DIAPH1: variants seen among roughly 807,000 people sequenced by gnomAD.
DIAPH1 encodes the protein protein diaphanous homolog 1.
Under a neutral mutation model 140.7 loss-of-function variants are expected in DIAPH1, and 46 were observed. That is an observed-to-expected ratio of 0.33 (90% CI 0.26 to 0.42). The LOEUF is 0.42. Among genes scored for constraint, DIAPH1 ranks in the 10% least tolerant of loss-of-function variants. DIAPH1 has a pLI of 1.00. For missense variants in DIAPH1, 1,310 were observed against 1,558.7 expected, an observed-to-expected ratio of 0.84 and a Z score of 2.69; for synonymous variants, 565 against 551.6, an observed-to-expected ratio of 1.02 and a Z score of -0.34.
rs1320235178 is a variant in DIAPH1 at position 141,516,922 on chromosome 5, C to T, written c.3748G>A (p.Val1250Met). The change falls in exon 28 of 28, where the codon GTG (valine) becomes ATG (methionine). Residue 1250 changes from valine (V) to methionine (M), a missense_variant. Val to Met is a conservative substitution (Grantham distance 21, BLOSUM62 1). Around this residue, in one of 3 missense-constraint regions of DIAPH1, gnomAD observed 344 missense variants for 512.2 expected, o/e 0.67. Coordinates refer to ENST00000389054, the MANE Select transcript of DIAPH1 (RefSeq NM_005219.5). The stretch of plus-strand genomic sequence containing the variant: ...GGGAATGTCTCACTGTTCTTGGACA[C>T]CTTGGCAGGAACAGCAGCCATGGCA... Reference protein sequence around the residue: ...DDAMAAVPAKVSKNSETFPTI... With the variant: ...DDAMAAVPAKMSKNSETFPTI... 2 of 1,614,124 alleles carry T rather than the reference C, an allele frequency of 1.2e-6. No homozygotes were observed. Among genetic ancestry groups the T allele is most frequent in the Admixed American group, 3.3e-5 (2 of 60,008 alleles).
intron 18 of DIAPH1, among the ~76,000 whole-genome samples, chr5:141,536,529 T>C (rs2099889047): frequency 6.6e-6 from 1 of 151,684 alleles, no homozygotes; most frequent in South Asian, 2.1e-4. Flanking sequence ...ATAGATAAAA[T>C]AGTATACTAT....
chr5:141,570,571 AAG>A (rs1288233077), intron 18 of DIAPH1, among the ~76,000 whole-genome samples: 1 of 152,150 alleles, frequency 6.6e-6, no homozygotes, highest in African/African-American at 2.4e-5. Flanking sequence ...TATTAGAACA[AAG>A]TGCAGCCTGT....
At chr5:141,586,316 T>C (rs1444866290) in intron 3 of DIAPH1, among the ~76,000 whole-genome samples, 1 of 152,248 alleles carries the variant, frequency 6.6e-6, no homozygotes, top group Admixed American at 6.5e-5. Flanking sequence ...GTGCTTACTA[T>C]GTACCAGGCC....
At position 141,527,666 on chromosome 5, in the gene DIAPH1, A is replaced by T. The variant is rs778744526; in HGVS notation, c.3180T>A (p.Asp1060Glu). The change falls in exon 24 of 28, where the codon GAT (aspartate) becomes GAA (glutamate). Residue 1060 changes from aspartate to glutamate, a missense_variant. Around this residue, in one of 3 missense-constraint regions of DIAPH1, gnomAD observed 344 missense variants for 512.2 expected, o/e 0.67. Coordinates refer to ENST00000389054, the MANE Select transcript of DIAPH1 (RefSeq NM_005219.5). ...CATCAGAAATTTGTTTCTTCATCTG[A>T]TCTAGGTTCTTTTGCAAGTTTTCAG... ...VSAENLQKNL[D>E]QMKKQISDVE... The T allele has an allele frequency of 6.6e-7, 1 of 1,517,110 alleles. No homozygotes were observed. The highest frequency in any genetic ancestry group is 9.0e-7 in the Non-Finnish European group (1 of 1,114,180). 94.0% of individuals were successfully genotyped at this position (1,517,110 alleles called of 1,614,324 possible).
Position 141,520,574 on chromosome 5 carries a change from G to A in DIAPH1, c.3662-3566C>T, listed in dbSNP as rs531851142. Among the ~76,000 whole-genome samples the A allele has an allele frequency of 3.2e-4, 48 of 152,246 alleles. No homozygotes were observed. In the Middle Eastern group the frequency reaches 0.014, roughly 43 times the overall value. On this transcript the variant is annotated intron_variant, in intron 27 of 27. Coordinates refer to ENST00000389054, the MANE Select transcript of DIAPH1 (RefSeq NM_005219.5). Reference sequence around the variant, plus strand: ...TGAGGCCTCAACAGCAGATGCTGGCGCCATGCTTTCTCTACAGTCTGCAGA... The same window carrying A: ...TGAGGCCTCAACAGCAGATGCTGGCACCATGCTTTCTCTACAGTCTGCAGA...
At chr5:141,601,288 A>AAG (rs1166913825) in intron 1 of DIAPH1, among the ~76,000 whole-genome samples, 28 of 151,562 alleles carry the variant, frequency 1.8e-4, no homozygotes, top group African/African-American at 6.8e-4. Flanking sequence ...AAAAAAAAAA[A>AAG]AAGAACTACT....
intron 1 of DIAPH1, among the ~76,000 whole-genome samples, chr5:141,610,754 G>A (rs2099901706): frequency 6.6e-6 from 1 of 151,862 alleles, no homozygotes; most frequent in Admixed American, 6.6e-5. Flanking sequence ...CCCGCCTAGC[G>A]AGACGTCATT....
At chr5:141,605,410 A>G (rs1194882600) in intron 1 of DIAPH1, among the ~76,000 whole-genome samples, 1 of 152,204 alleles carries the variant, frequency 6.6e-6, no homozygotes, top group African/African-American at 2.4e-5. Flanking sequence ...TCAAAAATAT[A>G]TATGTGTTTT....
At chr5:141,575,442 A>C (rs1014524496) in intron 14 of DIAPH1, among the ~76,000 whole-genome samples, 1 of 152,198 alleles carries the variant, frequency 6.6e-6, no homozygotes, top group African/African-American at 2.4e-5. Context: ...TGAGGTCAGA[A>C]GTTCGAGACC....
intron 18 of DIAPH1, among the ~76,000 whole-genome samples, chr5:141,554,796 T>C (rs566403736): frequency 2.2e-4 from 34 of 152,336 alleles, no homozygotes; most frequent in African/African-American, 7.9e-4. Context: ...TAGAAAATTA[T>C]ATGATCATCT....
intron 22 of DIAPH1, 26 bp downstream of exon 22, chr5:141,528,676 T>G (rs2099887746): frequency 5.0e-6 from 8 of 1,614,270 alleles, no homozygotes; most frequent in Non-Finnish European, 6.8e-6. Flanking sequence ...TTCCTTGTGT[T>G]GTCCTGCCCT....
At chr5:141,544,592 T>C (rs951415761) in intron 18 of DIAPH1, among the ~76,000 whole-genome samples, 21 of 152,268 alleles carry the variant, frequency 1.4e-4, no homozygotes, top group South Asian at 1.0e-3. Context: ...GATATACAGA[T>C]GGCAAATTAA....
intron 3 of DIAPH1, among the ~76,000 whole-genome samples, chr5:141,584,706 C>T (rs762631233): frequency 1.3e-5 from 2 of 152,150 alleles, no homozygotes; most frequent in Non-Finnish European, 2.9e-5. Context: ...GAAGAAAGAA[C>T]TGGAAACTCT....
chr5:141,618,514 G>T, intron 1 of DIAPH1: 1 of 336,620 alleles, frequency 3.0e-6, no homozygotes, highest in Non-Finnish European at 5.5e-6. Context: ...GGAGAGACGG[G>T]GCTGAGAGCC....
chr5:141,517,077 A>G (rs1383364215), intron 27 of DIAPH1, 69 bp from the exon 28 acceptor site: 13 of 1,583,630 alleles, frequency 8.2e-6, no homozygotes, highest in Non-Finnish European at 1.0e-5. Context: ...ACTCTACAGC[A>G]GATAATCAGC....
intron 18 of DIAPH1, among the ~76,000 whole-genome samples, chr5:141,540,622 G>A (rs1195503620): frequency 1.3e-5 from 2 of 148,436 alleles, no homozygotes; most frequent in Non-Finnish European, 3.0e-5. Flanking sequence ...CGCCATGTTG[G>A]CCAGGCTGGT....
chr5:141,606,374 G>A (rs2099900967), intron 1 of DIAPH1, among the ~76,000 whole-genome samples: 1 of 152,122 alleles, frequency 6.6e-6, no homozygotes, highest in Non-Finnish European at 1.5e-5. Flanking sequence ...AGGGCACTGA[G>A]TCAAATCCTG....
At chr5:141,529,811 CA>C in intron 19 of DIAPH1, 114 bp from the exon 20 acceptor site, 1 of 905,682 alleles carries the variant, frequency 1.1e-6, no homozygotes, top group East Asian at 2.6e-5. Flanking sequence ...AGGCCAGGCA[CA>C]GTGGCTCATG....
Position 141,527,709 on chromosome 5 carries a change from A to AAAAAAAAAAAAAAAC in DIAPH1, c.3149-13_3149-12insGTTTTTTTTTTTTTT, listed in dbSNP as rs2099887593. 1.9e-6 allele frequency: 3 copies of AAAAAAAAAAAAAAAC among 1,566,042 alleles called. No individual in the cohort carries two copies. The highest frequency in any genetic ancestry group is 1.4e-5 in the African/African-American group (1 of 72,182). ...GTTTTCAGCAGAAACTAAAAAAAAA[A>AAAAAAAAAAAAAAAC]AAAAAAAAAAAAACCATAAAAACAG... On this transcript the variant is annotated splice_polypyrimidine_tract_variant and intron_variant, in intron 23 of 27. Coordinates refer to ENST00000389054, the MANE Select transcript of DIAPH1 (RefSeq NM_005219.5).
Sources: gnomAD v4.1 joint callset for allele counts (sites outside exome capture counted in the v4.1 genomes callset) on GRCh38, gnomAD v4.1.1 for gene constraint, gnomAD v4.1.1 regional missense constraint, MANE v1.5 for transcripts, NCBI Gene and HGNC (gene_info 2026-07-23, HGNC 2026-07-21) for gene names.